Variants in TEX14 observed in about 807,000 individuals in gnomAD.
TEX14 encodes the protein testis expressed 14, intercellular bridge forming factor.
TEX14 carries 168 observed loss-of-function variants against 178.6 expected under a neutral mutation model. The ratio of observed to expected loss-of-function variants is 0.94; its 90% CI spans 0.83 to 1.07. The LOEUF is 1.07. Among genes scored for constraint, TEX14 ranks in the 50% least tolerant of loss-of-function variants. TEX14 has a pLI of 0.00. For missense variants in TEX14, 1,730 were observed against 1,753.6 expected, an observed-to-expected ratio of 0.99 and a Z score of 0.24; for synonymous variants, 626 against 634.1, an observed-to-expected ratio of 0.99 and a Z score of 0.19.
intron 1 of TEX14, among the ~76,000 whole-genome samples, chr17:58,676,285 A>G (rs1030438454): frequency 2.0e-5 from 3 of 152,130 alleles, no homozygotes; most frequent in African/African-American, 7.2e-5. Context: ...TTGAGGCAGG[A>G]GAATCACTTG....
At chr17:58,631,844 A>C (rs944302579) in intron 2 of TEX14, 2 of 152,308 alleles carry the variant, frequency 1.3e-5, no homozygotes, top group South Asian at 2.1e-4. Context: ...CTTAATGTCC[A>C]TTTATGTGCC....
At chr17:58,661,199 T>C (rs751422855) in intron 1 of TEX14, 1 of 797,972 alleles carries the variant, frequency 1.3e-6, no homozygotes, top group Non-Finnish European at 2.3e-6. Context: ...TTCAGCTGAG[T>C]TGGTCTTGGT....
intron 1 of TEX14, among the ~76,000 whole-genome samples, chr17:58,668,601 T>C (rs2047251684): frequency 6.6e-6 from 1 of 152,158 alleles, no homozygotes; most frequent in African/African-American, 2.4e-5. Context: ...ATTTTGCATA[T>C]GAGAAAACTG....
chr17:58,608,890 G>A (rs2045678875), intron 10 of TEX14, among the ~76,000 whole-genome samples: 1 of 152,202 alleles, frequency 6.6e-6, no homozygotes, highest in Non-Finnish European at 1.5e-5. Flanking sequence ...GGGCAGTTAG[G>A]AGATTGACAC....
At position 58,689,945 on chromosome 17, in the gene TEX14, G is replaced by C. The variant is rs148430151; in HGVS notation, c.-2+1994C>G. Among the ~76,000 whole-genome samples the C allele has an allele frequency of 9.6e-3, 1,449 of 151,250 alleles. 21 individuals carry two copies. The highest frequency in any genetic ancestry group is 0.033 in the African/African-American group (1,346 of 41,140). On this transcript the variant is annotated intron_variant, in intron 1 of 31. Coordinates refer to ENST00000349033, the MANE Select transcript of TEX14 (RefSeq NM_031272.5). ...GCTCACTGCAAGCTCCGCCTCCTGGGTTCATGCAATTCTCCTGCCTCAGCC... is the reference window on the plus strand; with the variant it reads ...GCTCACTGCAAGCTCCGCCTCCTGGCTTCATGCAATTCTCCTGCCTCAGCC...
chr17:58,628,494 T>C (rs1015358128), intron 3 of TEX14, among the ~76,000 whole-genome samples: 5 of 151,964 alleles, frequency 3.3e-5, no homozygotes, highest in African/African-American at 7.3e-5. Context: ...GGGCGGATCA[T>C]GAGGTCAGGA....
Position 58,622,829 on chromosome 17 carries a change from A to G in TEX14, c.417+18T>C. ...ACTCTTCTAGTGGGCATGGCTACAG[A>G]GTGGGACCCACCCTTACCTGGGTGC... On this transcript the variant is annotated intron_variant, in intron 4 of 31. Coordinates refer to ENST00000349033, the MANE Select transcript of TEX14 (RefSeq NM_031272.5). 6.3e-7 allele frequency: 1 copy of G among 1,596,060 alleles called. No homozygotes were observed. The highest frequency in any genetic ancestry group is 8.6e-7 in the Non-Finnish European group (1 of 1,166,656).
chr17:58,661,828 TCC>T (rs1448344880), intron 1 of TEX14: 2 of 471,422 alleles, frequency 4.2e-6, no homozygotes, highest in African/African-American at 4.0e-5. Context: ...TGTTTCCGTT[TCC>T]TAAAATTGTA....
intron 24 of TEX14, among the ~76,000 whole-genome samples, chr17:58,570,964 C>A (rs531881131): frequency 6.6e-6 from 1 of 152,160 alleles, no homozygotes; most frequent in African/African-American, 2.4e-5. Context: ...CTCCTCAGCA[C>A]TCAGTACTTA....
At chr17:58,636,216 A>T (rs2144596383) in intron 2 of TEX14, among the ~76,000 whole-genome samples, 1 of 152,370 alleles carries the variant, frequency 6.6e-6, no homozygotes, top group African/African-American at 2.4e-5. Flanking sequence ...TTCAACAAAT[A>T]ATTATTTTAG....
intron 1 of TEX14, chr17:58,659,452 TC>T (rs989730068): frequency 5.0e-5 from 19 of 378,246 alleles, no homozygotes; most frequent in African/African-American, 4.0e-4. Flanking sequence ...TCTTTGGTAT[TC>T]GCTAGAAAAT....
At chr17:58,656,088 G>T (rs1412159074) in intron 1 of TEX14, among the ~76,000 whole-genome samples, 1 of 152,170 alleles carries the variant, frequency 6.6e-6, no homozygotes, top group Non-Finnish European at 1.5e-5. Flanking sequence ...ATCATCTGAG[G>T]TCACGAGTTT....
intron 1 of TEX14, among the ~76,000 whole-genome samples, chr17:58,670,782 A>C (rs1342412550): frequency 2.0e-5 from 3 of 150,448 alleles, no homozygotes; most frequent in East Asian, 1.9e-4. Context: ...TAAAAAAAAA[A>C]AAAAAAAAAA....
At chr17:58,612,888 G>C (rs1283145340) in intron 9 of TEX14, among the ~76,000 whole-genome samples, 1 of 151,754 alleles carries the variant, frequency 6.6e-6, no homozygotes, top group Non-Finnish European at 1.5e-5. Context: ...CTGGGCAATA[G>C]AGCAAGACCC....
In TEX14 at chr17:58,602,446, G is replaced by C. The variant is rs190727711; in HGVS notation, c.1481C>G (p.Thr494Ser). The change falls in exon 12 of 32, where the codon ACT (threonine) becomes AGT (serine). Residue 494 changes from threonine to serine, a missense_variant. By Grantham distance (58) the Thr-to-Ser change is moderately conservative. Transcript: ENST00000349033. ...SGIHVKQKDRTMNLQDIRYIL... is the reference protein window; with the variant it reads ...SGIHVKQKDRSMNLQDIRYIL... Reference sequence around the variant, plus strand: ...ATACCGGATATCTTGAAGGTTCATAGTTCGGTCTTTCTGCTTGACGTGGAT... The same window carrying C: ...ATACCGGATATCTTGAAGGTTCATACTTCGGTCTTTCTGCTTGACGTGGAT... 6.2e-7 allele frequency: 1 copy of C among 1,614,036 alleles called. No individual in the cohort carries two copies. Among genetic ancestry groups the C allele is most frequent in the African/African-American group, 1.3e-5 (1 of 75,024 alleles).
At chr17:58,578,730 C>G (rs141649445) in intron 20 of TEX14, among the ~76,000 whole-genome samples, 1 of 152,274 alleles carries the variant, frequency 6.6e-6, no homozygotes, top group Non-Finnish European at 1.5e-5. Context: ...AGGTGGGTGG[C>G]CCAAGGCTCT....
At position 58,651,973 on chromosome 17, in the gene TEX14, G is replaced by T. The variant is rs199725150; in HGVS notation, c.29C>A (p.Pro10His). 70 of 1,602,098 alleles carry T rather than the reference G, an allele frequency of 4.4e-5. No individual in the cohort carries two copies. The highest frequency in any genetic ancestry group is 2.8e-4 in the South Asian group (25 of 88,506). Reference sequence around the variant, plus strand: ...TAAGGTACCAAGTTGAACAGGACAGGGGACTGGAAGACGAACAGCCCGAGA... The same window carrying T: ...TAAGGTACCAAGTTGAACAGGACAGTGGACTGGAAGACGAACAGCCCGAGA... MSRAVRLPVPCPVQLGTLRN... is the reference protein window; with the variant it reads MSRAVRLPVHCPVQLGTLRN... The change falls in exon 2 of 32, where the codon CCC becomes CAC. Residue 10 changes from proline (P) to histidine (H), a missense_variant. Physicochemically the swap from Pro to His is moderately conservative, Grantham distance 77 (BLOSUM62 -2). Transcript: ENST00000349033.
rs2045793975 is a variant in TEX14, at chr17:58,613,420, C to T, written c.1005+1G>A. The T allele has an allele frequency of 3.7e-6, 6 of 1,613,946 alleles. No individual in the cohort carries two copies. The highest frequency in any genetic ancestry group is 5.1e-6 in the Non-Finnish European group (6 of 1,179,930). On this transcript the variant is annotated splice_donor_variant, in intron 9 of 31. Transcript: ENST00000349033. LOFTEE classifies it high-confidence loss of function. ...GAAAATCCACGGAAACAGCAGTTTACTCGTTCATGAAGGACACTGAACAAT... is the reference window on the plus strand; with the variant it reads ...GAAAATCCACGGAAACAGCAGTTTATTCGTTCATGAAGGACACTGAACAAT...
intron 2 of TEX14, among the ~76,000 whole-genome samples, chr17:58,640,870 C>T (rs1480939019): frequency 6.6e-6 from 1 of 152,100 alleles, no homozygotes; most frequent in Non-Finnish European, 1.5e-5. Flanking sequence ...CAGGTGCGAG[C>T]CACCAAGTCT....
Sources: gnomAD v4.1 joint callset for allele counts (sites outside exome capture counted in the v4.1 genomes callset) on GRCh38, gnomAD v4.1.1 for gene constraint, MANE v1.5 for transcripts, NCBI Gene and HGNC (gene_info 2026-07-23, HGNC 2026-07-21) for gene names.